ENAH: variants seen among roughly 807,000 people sequenced by gnomAD.
ENAH encodes ENAH actin regulator.
A neutral mutation model predicts 78.7 loss-of-function variants in ENAH; 23 were observed. The observed-to-expected ratio is 0.29, with a 90% CI of 0.21 to 0.41. The LOEUF is 0.41. Ranked by LOEUF, ENAH falls within the 10% of genes least tolerant of loss-of-function variation. The pLI is 1.00. For synonymous variants in ENAH, 226 were observed against 241.0 expected (o/e 0.94, Z 0.58); for missense variants, 544 against 691.0 (o/e 0.79, Z 2.39).
intron 1 of ENAH, among the ~76,000 whole-genome samples, chr1:225,582,573 T>C (rs1048253282): frequency 4.6e-5 from 7 of 152,172 alleles, no homozygotes; most frequent in Non-Finnish European, 8.8e-5. Flanking sequence ...GGGCAATCCA[T>C]AGCTGCTGCA....
At chr1:225,530,515 G>A (rs750619097) in intron 4 of ENAH, 39 bp downstream of exon 4, 5 of 1,504,662 alleles carry the variant, frequency 3.3e-6, no homozygotes, top group Non-Finnish European at 3.7e-6. Flanking sequence ...GTCTTCTGAA[G>A]CATAAAGAAA....
chr1:225,516,983 T>G (rs1448672469), intron 6 of ENAH, among the ~76,000 whole-genome samples: 3 of 151,832 alleles, frequency 2.0e-5, no homozygotes, highest in Non-Finnish European at 4.4e-5. Context: ...AAAACCTAGT[T>G]CAATAAGGAA....
Position 225,567,296 on chromosome 1 carries a change from C to T in ENAH, c.124G>A (p.Gly42Ser). Residue 42 changes from glycine to serine, a missense_variant, in exon 2 of 14, where the codon GGC becomes AGC. Physicochemically the swap from Gly to Ser is moderately conservative, Grantham distance 56 (BLOSUM62 0). This residue lies in a region of ENAH where 77 missense variants were observed against 151.8 expected (regional missense o/e 0.51). Transcript: ENST00000366843. ...CCCACCACTCTGAATGTGTTGTTGC[C>T]TGTATGGTGATAGATATGAACTCTG... is the stretch of plus-strand genomic sequence containing the variant. ...FSRVHIYHHT[G>S]NNTFRVVGRK... 6.2e-7 allele frequency: 1 copy of T among 1,614,044 alleles called. No individual in the cohort carries two copies. The highest frequency in any genetic ancestry group is 2.2e-5 in the East Asian group (1 of 44,876).
intron 1 of ENAH, among the ~76,000 whole-genome samples, chr1:225,642,161 A>C (rs534735552): frequency 7.0e-4 from 106 of 151,170 alleles, no homozygotes; most frequent in African/African-American, 2.4e-3. Flanking sequence ...AAATCGCATG[A>C]CTGCACACAC....
At position 225,652,285 on chromosome 1, in the gene ENAH, G is replaced by A. The variant is rs1663164502; in HGVS notation, c.5+401C>T. ...AACACGAGAGTTCGGAGGCAAAAGT[G>A]CATGAAATTTTTACATATATACGAA... On this transcript the variant is annotated intron_variant, in intron 1 of 13. Transcript: ENST00000366843. The A allele has an allele frequency of 1.8e-5, 17 of 960,246 alleles. No homozygotes were observed. The South Asian group carries it at 7.7e-4, about 44-fold the overall frequency. 59.5% of individuals were successfully genotyped at this position (960,246 alleles called of 1,614,324 possible).
In ENAH at chr1:225,496,525, C is replaced by T. The variant is rs1391982934; in HGVS notation, c.*1250G>A. 6.6e-6 allele frequency: 1 copy of T among 152,528 alleles called. No homozygotes were observed. Among genetic ancestry groups the T allele is most frequent in the East Asian group, 1.9e-4 (1 of 5,204 alleles). 9.4% of individuals were successfully genotyped at this position (152,528 alleles called of 1,614,324 possible). ...ACGTATCTAAACACCTGTGTAACAG[C>T]GGGGGTACCTAGGTAATAATAACTG... On this transcript the variant is annotated 3_prime_UTR_variant, in exon 14 of 14. Coordinates refer to ENST00000366843, the MANE Select transcript of ENAH (RefSeq NM_018212.6).
intron 5 of ENAH, chr1:225,517,519 G>A (rs1468401357): frequency 6.4e-6 from 10 of 1,551,604 alleles, no homozygotes; most frequent in Non-Finnish European, 8.7e-6. Flanking sequence ...TGTCGGTGAT[G>A]GAGGCATTTG....
intron 1 of ENAH, among the ~76,000 whole-genome samples, chr1:225,621,488 T>G (rs1393087104): frequency 6.6e-6 from 1 of 151,610 alleles, no homozygotes; most frequent in Non-Finnish European, 1.5e-5. Context: ...GAGACGGGGT[T>G]TCACCGTTTT....
intron 3 of ENAH, among the ~76,000 whole-genome samples, chr1:225,549,157 T>A (rs1345504881): frequency 6.6e-6 from 1 of 152,074 alleles, no homozygotes; most frequent in African/African-American, 2.4e-5. Flanking sequence ...GCCAAACAGA[T>A]AGGTTTTATA....
chr1:225,535,357 A>T, intron 3 of ENAH: 1 of 357,904 alleles, frequency 2.8e-6, no homozygotes, highest in Non-Finnish European at 5.3e-6. Context: ...TACATGAACC[A>T]CAACAAATAT....
At chr1:225,609,901 T>G (rs2096979026) in intron 1 of ENAH, among the ~76,000 whole-genome samples, 1 of 151,998 alleles carries the variant, frequency 6.6e-6, no homozygotes, top group African/African-American at 2.4e-5. Context: ...TGGCCTCAAG[T>G]GATCCGCCTG....
chr1:225,603,961 C>G (rs1191367872), intron 1 of ENAH, among the ~76,000 whole-genome samples: 1 of 152,146 alleles, frequency 6.6e-6, no homozygotes, highest in Non-Finnish European at 1.5e-5. Flanking sequence ...GAAATTATTA[C>G]CCAGTAGCCT....
At chr1:225,610,205 T>C (rs1490136897) in intron 1 of ENAH, among the ~76,000 whole-genome samples, 1 of 151,724 alleles carries the variant, frequency 6.6e-6, no homozygotes, top group Non-Finnish European at 1.5e-5. Flanking sequence ...AGGAAGTGTA[T>C]GTACTAACGT....
intron 1 of ENAH, among the ~76,000 whole-genome samples, chr1:225,625,746 C>G (rs1657837621): frequency 6.6e-6 from 1 of 152,146 alleles, no homozygotes; most frequent in South Asian, 2.1e-4. Context: ...AAACTCCTGA[C>G]CCCAGGTGAT....
intron 10 of ENAH, among the ~76,000 whole-genome samples, chr1:225,511,406 A>C (rs2096375999): frequency 6.6e-6 from 1 of 152,194 alleles, no homozygotes; most frequent in South Asian, 2.1e-4. Flanking sequence ...CAAAATTTTA[A>C]GGAGACTTTT....
At chr1:225,516,640 C>T (rs575423219) in intron 6 of ENAH, among the ~76,000 whole-genome samples, 2 of 152,002 alleles carry the variant, frequency 1.3e-5, no homozygotes, top group African/African-American at 4.8e-5. Flanking sequence ...TTTGGGAGGC[C>T]GAAGGGGCAG....
chr1:225,563,220 A>G (rs1195981060), intron 2 of ENAH, among the ~76,000 whole-genome samples: 5 of 152,184 alleles, frequency 3.3e-5, no homozygotes, highest in African/African-American at 1.2e-4. Context: ...TATGCAGACA[A>G]TTACATCATT....
intron 2 of ENAH, among the ~76,000 whole-genome samples, chr1:225,562,592 AAAAAAAAAAAC>A (rs1558819693): frequency 1.3e-5 from 2 of 148,926 alleles, no homozygotes; most frequent in African/African-American, 5.0e-5. Context: ...AAAAAAAAAA[AAAAAAAAAAAC>A]ACACCCAAGC....
chr1:225,653,829 T>A (rs866323412), upstream of ENAH, among the ~76,000 whole-genome samples: 2 of 152,194 alleles, frequency 1.3e-5, no homozygotes, highest in African/African-American at 4.8e-5. The surrounding 1 kb of genome is among the most constrained non-coding windows in gnomAD (Gnocchi z 4.3). Flanking sequence ...GGCATATAAA[T>A]GGAAAATATG....
Sources: allele counts gnomAD v4.1 joint callset (sites outside exome capture counted in the v4.1 genomes callset), GRCh38; gene constraint gnomAD v4.1.1; regional missense constraint gnomAD v4.1.1; non-coding constraint Gnocchi (gnomAD v3.1); transcripts MANE v1.5; gene names NCBI Gene and HGNC (gene_info 2026-07-23, HGNC 2026-07-21).